The following DOLPP1 variants were observed in gnomAD, a reference collection of about 807,000 sequenced individuals.
DOLPP1 encodes the protein dolichyl pyrophosphate phosphatase 1.
In DOLPP1, 15 loss-of-function variants were observed where a neutral mutation model predicts 34.1. That is an observed-to-expected ratio of 0.44 (90% CI 0.29 to 0.68). The LOEUF is 0.68. Ranked by LOEUF, DOLPP1 falls within the 30% of genes least tolerant of loss-of-function variation. The pLI is 0.12. For missense variants in DOLPP1, 249 were observed against 307.1 expected, an observed-to-expected ratio of 0.81 and a Z score of 1.41; for synonymous variants, 130 against 128.2, an observed-to-expected ratio of 1.01 and a Z score of -0.10.
rs2131414127 is a variant in DOLPP1 at position 129,083,028 on chromosome 9, G to A, written c.77-1640G>A. ...AGAGCGTCCCAGGTGGGGGGAAACT[G>A]TGTGCAAAGGTCCAGAAGTAGGACA... On this transcript the variant is annotated intron_variant, in intron 1 of 7. Transcript: ENST00000372546. Among the ~76,000 whole-genome samples, 2 of 152,290 alleles carry A rather than the reference G, an allele frequency of 1.3e-5. 1 individual carries two copies. Among genetic ancestry groups the A allele is most frequent in the South Asian group, 4.1e-4 (2 of 4,830 alleles).
chr9:129,090,264 A>G lies in DOLPP1; in HGVS notation c.*1257A>G, dbSNP rs1847072050. The G allele has an allele frequency of 6.6e-6, 1 of 152,570 alleles. No homozygotes were observed. The highest frequency in any genetic ancestry group is 1.5e-5 in the Non-Finnish European group (1 of 68,020). The allele number at this position is 152,570 out of a possible 1,614,324, so 9.5% of individuals were successfully genotyped here. A position where few individuals can be genotyped will look rare whatever the true frequency, so the allele number is the denominator to read the frequency against. On this transcript the variant is annotated 3_prime_UTR_variant, in exon 8 of 8. Transcript: ENST00000372546. ...AGGCAGTGTCCAAAAGCCATTCCAG[A>G]TGCCAAGACCAGGGGCTTATTTCTA...
In DOLPP1 at chr9:129,085,425, G is replaced by A; in HGVS notation, c.363-93G>A. 1 of 1,517,006 alleles carries A rather than the reference G, an allele frequency of 6.6e-7. No homozygotes were observed. The highest frequency in any genetic ancestry group is 2.3e-5 in the East Asian group (1 of 44,304). 94.0% of individuals were successfully genotyped at this position (1,517,006 alleles called of 1,614,324 possible). On this transcript the variant is annotated intron_variant, in intron 4 of 7. Transcript: ENST00000372546. This position sits in a 1 kb window ranked among gnomAD's most constrained non-coding sequence, Gnocchi z 7.0. Reference sequence around the variant, plus strand: ...GGAGGGGCTGCAGCGGAGGCAGAAGGTACCCAGGGAGCATTTGGATGGGGC... The same window carrying A: ...GGAGGGGCTGCAGCGGAGGCAGAAGATACCCAGGGAGCATTTGGATGGGGC...
chr9:129,087,349 T>A (rs1418055351), intron 7 of DOLPP1, among the ~76,000 whole-genome samples: 1 of 146,624 alleles, frequency 6.8e-6, no homozygotes, highest in East Asian at 2.0e-4. Flanking sequence ...GGAGTCTCGC[T>A]CTGTCGCCCA....
chr9:129,084,626 G>A, intron 1 of DOLPP1, 42 bp from the exon 2 acceptor site: 1 of 1,383,676 alleles, frequency 7.2e-7, no homozygotes, highest in Non-Finnish European at 1.0e-6. Flanking sequence ...CTCTTCTGAT[G>A]CCTGTGCCCT....
At chr9:129,087,693 A>T (rs1209003250) in intron 7 of DOLPP1, among the ~76,000 whole-genome samples, 1 of 132,848 alleles carries the variant, frequency 7.5e-6, no homozygotes, top group Non-Finnish European at 1.6e-5. Flanking sequence ...GCAGGCTGAG[A>T]GGGACTGTGG....
At chr9:129,088,840 A>C (rs1847042682) in intron 7 of DOLPP1, 131 bp from the exon 8 acceptor site, 1 of 854,108 alleles carries the variant, frequency 1.2e-6, no homozygotes. Context: ...TGATTGGCCC[A>C]GTTCAGGTCA....
Position 129,085,266 on chromosome 9 carries a change from TG to T in DOLPP1, c.324del (p.Trp108CysfsTer13). On this transcript the variant is annotated frameshift_variant, in exon 4 of 8. Coordinates refer to ENST00000372546, the MANE Select transcript of DOLPP1 (RefSeq NM_020438.5). LOFTEE classifies it high-confidence loss of function. This position sits in a 1 kb window ranked among gnomAD's most constrained non-coding sequence, Gnocchi z 7.0. ...GMPSSHSQFM[W>X]FFSVYSFLFL... ...GCCCTCCAGCCATTCCCAGTTTATG[TG>T]GTTCTTCTCCGTCTATTCCTTCCTT... 1 of 1,614,084 alleles carries T rather than the reference TG, an allele frequency of 6.2e-7. No individual in the cohort carries two copies. The highest frequency in any genetic ancestry group is 8.5e-7 in the Non-Finnish European group (1 of 1,180,010).
At chr9:129,084,643 C>T in intron 1 of DOLPP1, 25 bp from the exon 2 acceptor site, 5 of 1,515,288 alleles carry the variant, frequency 3.3e-6, no homozygotes, top group Non-Finnish European at 4.6e-6. Context: ...CCCTGTCCTC[C>T]TGATTCTGTT....
chr9:129,086,483 G>C (rs1438512364), intron 6 of DOLPP1, among the ~76,000 whole-genome samples: 1 of 152,210 alleles, frequency 6.6e-6, no homozygotes, highest in Non-Finnish European at 1.5e-5. Context: ...GGACTTAGAA[G>C]CCTGAGTCCT....
intron 1 of DOLPP1, among the ~76,000 whole-genome samples, chr9:129,082,842 C>G (rs771095737): frequency 5.3e-5 from 8 of 152,224 alleles, no homozygotes; most frequent in Non-Finnish European, 1.2e-4. Flanking sequence ...GACCCTGTCT[C>G]TACTCCCAGA....
In DOLPP1 at chr9:129,085,375, T is replaced by A; in HGVS notation, c.362+69T>A. The A allele has an allele frequency of 6.5e-7, 1 of 1,549,868 alleles. No homozygotes were observed. ...CCGAGTTCTGCTAGGGACTCACTGC[T>A]AGCCCTTTGGATGCCCCTGGGGTGG... On this transcript the variant is annotated intron_variant, in intron 4 of 7. Transcript: ENST00000372546. The surrounding 1 kb of genome is among the most constrained non-coding windows in gnomAD (Gnocchi z 7.0).
Position 129,086,228 on chromosome 9 carries a change from A to G in DOLPP1, c.551A>G (p.Gln184Arg). The stretch of plus-strand genomic sequence containing the variant: ...GCCATCGCCTGGTTCATCTTCACCC[A>G]GGAGGTCCTCACCCCGCTGTTCCCC... ...LMAIAWFIFT[Q>R]EVLTPLFPRI... The change falls in exon 6 of 8, where the codon CAG becomes CGG. Residue 184 changes from glutamine (Q) to arginine (R), a missense_variant. Gln to Arg is a conservative substitution (Grantham distance 43). Transcript: ENST00000372546. The G allele has an allele frequency of 2.5e-6, 4 of 1,613,528 alleles. No individual in the cohort carries two copies. Among genetic ancestry groups the G allele is most frequent in the Non-Finnish European group, 3.4e-6 (4 of 1,179,980 alleles).
rs952233086 is a variant in DOLPP1, at chr9:129,089,900, C to T, written c.*893C>T. On this transcript the variant is annotated 3_prime_UTR_variant, in exon 8 of 8. Coordinates refer to ENST00000372546, the MANE Select transcript of DOLPP1 (RefSeq NM_020438.5). The surrounding 1 kb of genome is among the most constrained non-coding windows in gnomAD (Gnocchi z 4.9). The stretch of plus-strand genomic sequence containing the variant: ...CAGGCACCCGAAGTCCCTCGTCCTT[C>T]CCTCTGTGTGCTCTGAATATGTCCT... 3.9e-5 allele frequency: 6 copies of T among 152,470 alleles called. No individual in the cohort carries two copies. Among genetic ancestry groups the T allele is most frequent in the African/African-American group, 1.2e-4 (5 of 41,458 alleles). The allele number at this position is 152,470 out of a possible 1,614,324, so 9.4% of individuals were successfully genotyped here. A position where few individuals can be genotyped will look rare whatever the true frequency, so the allele number is the denominator to read the frequency against.
rs1847061897 is a variant in DOLPP1 at position 129,089,747 on chromosome 9, G to A, written c.*740G>A. 1 of 152,754 alleles carries A rather than the reference G, an allele frequency of 6.5e-6. No homozygotes were observed. The highest frequency in any genetic ancestry group is 1.5e-5 in the Non-Finnish European group (1 of 68,150). 9.5% of individuals were successfully genotyped at this position (152,754 alleles called of 1,614,324 possible). On this transcript the variant is annotated 3_prime_UTR_variant, in exon 8 of 8. Transcript: ENST00000372546. The surrounding 1 kb of genome is among the most constrained non-coding windows in gnomAD (Gnocchi z 4.9). ...ACAATAATCGCTTTCTGACAAAGGA[G>A]CCTGCACATTTGGGTGAGCAGACCC...
At position 129,089,145 on chromosome 9, in the gene DOLPP1, T is replaced by A; in HGVS notation, c.*138T>A. On this transcript the variant is annotated 3_prime_UTR_variant, in exon 8 of 8. Transcript: ENST00000372546. The surrounding 1 kb of genome is among the most constrained non-coding windows in gnomAD (Gnocchi z 4.9). ...AGTGGAGCCTTTTTTTTTCTTATTT[T>A]AATTTTAATGAACAAGGTGGACCAA... The A allele has an allele frequency of 1.2e-6, 1 of 812,714 alleles. No homozygotes were observed. The highest frequency in any genetic ancestry group is 1.9e-6 in the Non-Finnish European group (1 of 519,628). The allele number at this position is 812,714 out of a possible 1,614,324, so 50.3% of individuals were successfully genotyped here.
chr9:129,081,129 A>T lies in DOLPP1; in HGVS notation c.-3A>T. Reference sequence around the variant, plus strand: ...GCTCGAAGAAGCCCGGTCTCCGGGTAAGATGGCAGCGGACGGACAGTGCTC... The same window carrying T: ...GCTCGAAGAAGCCCGGTCTCCGGGTTAGATGGCAGCGGACGGACAGTGCTC... On this transcript the variant is annotated 5_prime_UTR_variant, in exon 1 of 8. Coordinates refer to ENST00000372546, the MANE Select transcript of DOLPP1 (RefSeq NM_020438.5). 6.2e-7 allele frequency: 1 copy of T among 1,607,922 alleles called. No individual in the cohort carries two copies. Among genetic ancestry groups the T allele is most frequent in the Non-Finnish European group, 8.5e-7 (1 of 1,179,154 alleles).
chr9:129,089,102 T>C lies in DOLPP1; in HGVS notation c.*95T>C. ...CAGACAGGGACGAAGCAGAGACCTC[T>C]ACAGACCCAAGTCACCAAGTGGAGC... On this transcript the variant is annotated 3_prime_UTR_variant, in exon 8 of 8. Coordinates refer to ENST00000372546, the MANE Select transcript of DOLPP1 (RefSeq NM_020438.5). This position sits in a 1 kb window ranked among gnomAD's most constrained non-coding sequence, Gnocchi z 4.9. 1 of 1,312,376 alleles carries C rather than the reference T, an allele frequency of 7.6e-7. No individual in the cohort carries two copies. Among genetic ancestry groups the C allele is most frequent in the Non-Finnish European group, 1.1e-6 (1 of 919,188 alleles). 81.3% of individuals were successfully genotyped at this position (1,312,376 alleles called of 1,614,324 possible).
In DOLPP1 at chr9:129,085,155, T is replaced by C. The variant is rs575631888; in HGVS notation, c.262+48T>C. 3.1e-6 allele frequency: 5 copies of C among 1,611,482 alleles called. No homozygotes were observed. In the East Asian group the frequency reaches 1.1e-4, roughly 36 times the overall value. On this transcript the variant is annotated intron_variant, in intron 3 of 7. Coordinates refer to ENST00000372546, the MANE Select transcript of DOLPP1 (RefSeq NM_020438.5). The surrounding 1 kb of genome is among the most constrained non-coding windows in gnomAD (Gnocchi z 7.0). Reference sequence around the variant, plus strand: ...CTGAGGTTCCCCCAGGTTGGGGCGTTACTGGGAGGTCTGCATCCCCCCGTG... The same window carrying C: ...CTGAGGTTCCCCCAGGTTGGGGCGTCACTGGGAGGTCTGCATCCCCCCGTG...
rs1359248818 is a variant in DOLPP1, at chr9:129,083,160, G to A, written c.77-1508G>A. On this transcript the variant is annotated intron_variant, in intron 1 of 7. Transcript: ENST00000372546. ...CAGGGCCAGATGAGCTGGGCTGAGGGGGAACTTGTCCTAAGGGCAGTGGGA... is the reference window on the plus strand; with the variant it reads ...CAGGGCCAGATGAGCTGGGCTGAGGAGGAACTTGTCCTAAGGGCAGTGGGA... Among the ~76,000 whole-genome samples the A allele has an allele frequency of 2.6e-5, 4 of 152,156 alleles. No homozygotes were observed. The East Asian group carries it at 7.7e-4, about 29-fold the overall frequency.
Sources: allele counts gnomAD v4.1 joint callset (sites outside exome capture counted in the v4.1 genomes callset), GRCh38; gene constraint gnomAD v4.1.1; non-coding constraint Gnocchi (gnomAD v3.1); transcripts MANE v1.5; gene names NCBI Gene and HGNC (gene_info 2026-07-23, HGNC 2026-07-21).